Variants in ZNF407 observed in about 807,000 individuals in gnomAD.
ZNF407 encodes the protein zinc finger protein 407.
In ZNF407, 17 loss-of-function variants were observed where a neutral mutation model predicts 131.2. The observed-to-expected ratio is 0.13, with a 90% CI of 0.09 to 0.19. The LOEUF (loss-of-function observed/expected upper bound fraction) is 0.19. Among genes scored for constraint, ZNF407 ranks in the 10% least tolerant of loss-of-function variants. ZNF407 has a pLI of 1.00. For synonymous variants in ZNF407, 1,156 were observed against 1,062.0 expected (o/e 1.09, Z -1.72); for missense variants, 2,681 against 2,830.6 (o/e 0.95, Z 1.20).
At chr18:74,924,559 T>C (rs1971887842) in intron 8 of ZNF407, among the ~76,000 whole-genome samples, 1 of 152,186 alleles carries the variant, frequency 6.6e-6, no homozygotes, top group Non-Finnish European at 1.5e-5. Context: ...ATTTCTACCA[T>C]GTTGCCCATC....
At chr18:74,699,146 A>C (rs1238893931) in intron 3 of ZNF407, among the ~76,000 whole-genome samples, 2 of 152,122 alleles carry the variant, frequency 1.3e-5, no homozygotes, top group Non-Finnish European at 2.9e-5. Flanking sequence ...TCACATTTCA[A>C]ATATCTTTGG....
chr18:74,924,953 G>C (rs1971893439), intron 8 of ZNF407, among the ~76,000 whole-genome samples: 1 of 152,164 alleles, frequency 6.6e-6, no homozygotes, highest in Non-Finnish European at 1.5e-5. Flanking sequence ...CTGAGCCTAT[G>C]AGCAGTGCAT....
chr18:74,731,823 A>T (rs1968301126), intron 3 of ZNF407, among the ~76,000 whole-genome samples: 1 of 152,056 alleles, frequency 6.6e-6, no homozygotes, highest in Non-Finnish European at 1.5e-5. Context: ...TGTCTCCATA[A>T]TTTAGCAGGC....
intron 7 of ZNF407, among the ~76,000 whole-genome samples, chr18:74,904,044 TG>T (rs1229733143): frequency 6.6e-6 from 1 of 152,220 alleles, no homozygotes; most frequent in Non-Finnish European, 1.5e-5. Flanking sequence ...GCCAGACTTC[TG>T]TGGCCATGAA....
chr18:74,606,456 G>C (rs1035666913), intron 1 of ZNF407, among the ~76,000 whole-genome samples: 3 of 152,162 alleles, frequency 2.0e-5, no homozygotes, highest in African/African-American at 7.2e-5. Flanking sequence ...TGCCCAGGCT[G>C]ATCTCGAGCT....
chr18:74,872,773 A>G (rs1971106076), intron 4 of ZNF407, among the ~76,000 whole-genome samples: 1 of 151,574 alleles, frequency 6.6e-6, no homozygotes, highest in Admixed American at 6.6e-5. Flanking sequence ...AAAGAAAAAA[A>G]AAAAAAAGAA....
At chr18:74,738,422 G>GA (rs10602546) in intron 3 of ZNF407, among the ~76,000 whole-genome samples, 17 of 65,692 alleles carry the variant, frequency 2.6e-4, no homozygotes, top group East Asian at 4.6e-4. Context: ...TCTGTCTCAA[G>GA]AAAAAAAAAA....
chr18:74,762,988 T>C (rs1210081826), intron 3 of ZNF407, among the ~76,000 whole-genome samples: 3 of 152,100 alleles, frequency 2.0e-5, no homozygotes, highest in Non-Finnish European at 4.4e-5. Flanking sequence ...GATTTTAGGA[T>C]AGCTGTATGT....
At chr18:74,979,193 T>A (rs1231499891) in intron 8 of ZNF407, among the ~76,000 whole-genome samples, 1 of 152,162 alleles carries the variant, frequency 6.6e-6, no homozygotes, top group East Asian at 1.9e-4. Context: ...TAGAGTCTAC[T>A]TGGTGCAATA....
At chr18:74,940,148 A>T (rs1207284353) in intron 8 of ZNF407, among the ~76,000 whole-genome samples, 1 of 152,196 alleles carries the variant, frequency 6.6e-6, no homozygotes, top group African/African-American at 2.4e-5. Flanking sequence ...CCATGTAGGG[A>T]TCAACTTATG....
At position 74,633,488 on chromosome 18, in the gene ZNF407, G is replaced by T; in HGVS notation, c.2469G>T (p.Gln823His). 6.2e-7 allele frequency: 1 copy of T among 1,614,002 alleles called. No individual in the cohort carries two copies. Among genetic ancestry groups the T allele is most frequent in the Non-Finnish European group, 8.5e-7 (1 of 1,179,882 alleles). ...KGMLASEELS[Q>H]SGGSTKDDEL... ...TGCTGGCGTCTGAGGAACTGTCACA[G>T]TCTGGTGGTAGCACCAAAGATGATG... The change falls in exon 2 of 9, where the codon CAG (glutamine) becomes CAT (histidine). Residue 823 changes from glutamine (Q) to histidine (H), a missense_variant. Physicochemically the swap from Gln to His is conservative, Grantham distance 24. This residue lies in a region of ZNF407 where 1,789 missense variants were observed against 1,748.7 expected (regional missense o/e 1.02). Transcript: ENST00000299687.
chr18:74,635,318 A>G lies in ZNF407; in HGVS notation c.4299A>G (p.Ile1433Met). 1 of 1,614,042 alleles carries G rather than the reference A, an allele frequency of 6.2e-7. No homozygotes were observed. The highest frequency in any genetic ancestry group is 8.5e-7 in the Non-Finnish European group (1 of 1,179,902). ...ADGLSGLNVH[I>M]AMKHPTKEKH... Reference sequence around the variant, plus strand: ...GACTGAGTGGACTGAATGTTCACATAGCCATGAAGCATCCTACAAAAGAGA... The same window carrying G: ...GACTGAGTGGACTGAATGTTCACATGGCCATGAAGCATCCTACAAAAGAGA... The change falls in exon 2 of 9, where the codon ATA becomes ATG. Residue 1433 changes from isoleucine to methionine, a missense_variant. This residue lies in a region of ZNF407 where 1,789 missense variants were observed against 1,748.7 expected (regional missense o/e 1.02). Transcript: ENST00000299687. This position sits in a 1 kb window ranked among gnomAD's most constrained non-coding sequence, Gnocchi z 4.7.
At chr18:74,653,251 A>T (rs1985306464) in intron 3 of ZNF407, among the ~76,000 whole-genome samples, 1 of 151,840 alleles carries the variant, frequency 6.6e-6, no homozygotes, top group African/African-American at 2.4e-5. Flanking sequence ...ATTGTAGATT[A>T]TGCTGTTTTA....
At chr18:74,837,488 A>C (rs1035357152) in intron 4 of ZNF407, among the ~76,000 whole-genome samples, 2 of 151,980 alleles carry the variant, frequency 1.3e-5, no homozygotes, top group Non-Finnish European at 2.9e-5. Flanking sequence ...TGTTACATTA[A>C]AGCAAGATGA....
At chr18:74,727,024 T>C (rs1968174448) in intron 3 of ZNF407, among the ~76,000 whole-genome samples, 1 of 152,240 alleles carries the variant, frequency 6.6e-6, no homozygotes, top group African/African-American at 2.4e-5. Flanking sequence ...TAATAAATCA[T>C]TCATCAACAA....
chr18:74,634,124 T>C lies in ZNF407; in HGVS notation c.3105T>C (p.His1035=). Residue 1035 remains histidine (H), a synonymous_variant, in exon 2 of 9, where the codon CAT becomes CAC. Coordinates refer to ENST00000299687, the MANE Select transcript of ZNF407 (RefSeq NM_017757.3). ...ACTCCTCTGCTTCTCTAGAGCTGCA[T>C]GTAAAACGGAAACATACAAAAGAGT... is the stretch of plus-strand genomic sequence containing the variant. ...SAHSSASLEL[H]VKRKHTKEFE... The C allele has an allele frequency of 2.5e-6, 4 of 1,614,058 alleles. No homozygotes were observed. The highest frequency in any genetic ancestry group is 1.1e-5 in the South Asian group (1 of 91,086).
chr18:74,658,813 A>G (rs1207425350), intron 3 of ZNF407, among the ~76,000 whole-genome samples: 2 of 152,210 alleles, frequency 1.3e-5, no homozygotes, highest in African/African-American at 4.8e-5. Flanking sequence ...CCAAGTAGAC[A>G]TTTATTCAAC....
At chr18:74,644,571 T>C (rs1447874880) in intron 3 of ZNF407, among the ~76,000 whole-genome samples, 2 of 151,914 alleles carry the variant, frequency 1.3e-5, no homozygotes, top group East Asian at 1.9e-4. Flanking sequence ...TCTATGTACA[T>C]ATAAGGTAGT....
chr18:74,871,586 T>C (rs1375881250), intron 4 of ZNF407, among the ~76,000 whole-genome samples: 4 of 152,164 alleles, frequency 2.6e-5, no homozygotes, highest in Non-Finnish European at 2.9e-5. Flanking sequence ...TTTTAGAGGA[T>C]AGTGACCACA....
Sources: allele counts gnomAD v4.1 joint callset (sites outside exome capture counted in the v4.1 genomes callset), GRCh38; gene constraint gnomAD v4.1.1; regional missense constraint gnomAD v4.1.1; non-coding constraint Gnocchi (gnomAD v3.1); transcripts MANE v1.5; gene names NCBI Gene and HGNC (gene_info 2026-07-23, HGNC 2026-07-21).